GPHN: variants seen among roughly 807,000 people sequenced by gnomAD.
GPHN encodes gephyrin.
Under a neutral mutation model 95.5 loss-of-function variants are expected in GPHN, and 17 were observed. That is an observed-to-expected ratio of 0.18 (90% CI 0.12 to 0.27). The LOEUF (loss-of-function observed/expected upper bound fraction) is 0.27. GPHN is among the 10% of genes least tolerant of loss of function. GPHN has a pLI of 1.00. For synonymous variants in GPHN, 320 were observed against 322.5 expected (o/e 0.99, Z 0.08); for missense variants, 660 against 978.1 (o/e 0.67, Z 4.34).
chr14:67,251,161 A>G, the GPHN span, among the ~76,000 whole-genome samples: 1 of 152,232 alleles, frequency 6.6e-6, no homozygotes, highest in African/African-American at 2.4e-5. Context: ...GCCTGCCTTA[A>G]GACTTATTTT....
At position 66,989,655 on chromosome 14, in the gene GPHN, GAA is replaced by G. The variant is rs34801654; in HGVS notation, c.963+24347_963+24348del. Among the ~76,000 whole-genome samples the G allele has an allele frequency of 4.6e-3, 517 of 111,432 alleles. 2 individuals carry two copies. Among genetic ancestry groups the G allele is most frequent in the South Asian group, 0.017 (58 of 3,484 alleles). 73.1% of individuals were successfully genotyped at this position (111,432 alleles called of 152,430 possible). On this transcript the variant is annotated intron_variant, in intron 9 of 22. Coordinates refer to ENST00000478722, the MANE Select transcript of GPHN (RefSeq NM_020806.5). The stretch of plus-strand genomic sequence containing the variant: ...AGGATCCTGTTAACTGTCCAATATA[GAA>G]AAAAAAAAAAAAAAAACCTATCCAA...
chr14:67,026,728 C>T (rs990908031), intron 10 of GPHN, among the ~76,000 whole-genome samples: 83 of 152,138 alleles, frequency 5.5e-4, no homozygotes, highest in African/African-American at 1.9e-3. Flanking sequence ...CTGCAGGCTC[C>T]GCCTCCCGGG....
intron 1 of GPHN, among the ~76,000 whole-genome samples, chr14:66,622,215 C>A (rs780678828): frequency 6.6e-6 from 1 of 152,092 alleles, no homozygotes; most frequent in Non-Finnish European, 1.5e-5. Flanking sequence ...GGGCTTGAAC[C>A]CTCTGAACGC....
the GPHN span, chr14:67,619,931 C>T: frequency 5.2e-6 from 7 of 1,353,620 alleles, no homozygotes; most frequent in South Asian, 9.9e-5. Context: ...CTCCCGGCTT[C>T]CAACCGCGCG....
At chr14:66,852,379 ATGTG>A (rs113038595) in intron 4 of GPHN, among the ~76,000 whole-genome samples, 1,913 of 152,258 alleles carry the variant, frequency 0.013, 19 homozygotes, top group Non-Finnish European at 0.018. Context: ...AGGGAAAAAA[ATGTG>A]TGTGTGTGCG....
chr14:67,082,735 T>C (rs2076741070), intron 11 of GPHN, among the ~76,000 whole-genome samples: 2 of 152,132 alleles, frequency 1.3e-5, no homozygotes, highest in Admixed American at 6.5e-5. Flanking sequence ...ACATTAACAA[T>C]ATGAACACAG....
At chr14:67,577,045 C>T in the GPHN span, among the ~76,000 whole-genome samples, 2 of 152,176 alleles carry the variant, frequency 1.3e-5, no homozygotes, top group Admixed American at 1.3e-4. Context: ...CACACATCCA[C>T]CTGCACTCAG....
the GPHN span, among the ~76,000 whole-genome samples, chr14:67,497,814 C>T: frequency 8.6e-5 from 13 of 151,926 alleles, no homozygotes; most frequent in Non-Finnish European, 1.9e-4. Context: ...CCACACAGTA[C>T]ACCTGTATCT....
chr14:66,543,213 A>G (rs1195706746), intron 1 of GPHN, among the ~76,000 whole-genome samples: 3 of 152,158 alleles, frequency 2.0e-5, no homozygotes, highest in Non-Finnish European at 4.4e-5. Flanking sequence ...ACATTTCAAC[A>G]TGAGATTTGG....
the GPHN span, among the ~76,000 whole-genome samples, chr14:67,443,444 G>A: frequency 0.014 from 2,102 of 152,136 alleles, 54 homozygotes; most frequent in African/African-American, 0.048. Flanking sequence ...AGGAAAGAAG[G>A]CATTTCAAGC....
the GPHN span, among the ~76,000 whole-genome samples, chr14:67,694,322 T>C: frequency 6.6e-6 from 1 of 152,008 alleles, no homozygotes; most frequent in Admixed American, 6.6e-5. Context: ...GTAGGACCTG[T>C]ACTTAGTTCT....
In GPHN at chr14:66,646,106, A is replaced by G. The variant is rs115106913; in HGVS notation, c.65-35001A>G. ...AAAAGATTAAAAAGAATTCAACAGC[A>G]ACAAAAAAAAACTAGATTAAAATTG... On this transcript the variant is annotated intron_variant, in intron 1 of 22. Coordinates refer to ENST00000478722, the MANE Select transcript of GPHN (RefSeq NM_020806.5). 7.9e-3 allele frequency among the ~76,000 whole-genome samples: 1,203 copies of G among 152,304 alleles called. 9 individuals carry two copies. Among genetic ancestry groups the G allele is most frequent in the African/African-American group, 0.028 (1,148 of 41,582 alleles).
chr14:66,868,941 C>T (rs1016630269), intron 4 of GPHN, among the ~76,000 whole-genome samples: 2 of 151,938 alleles, frequency 1.3e-5, no homozygotes, highest in African/African-American at 4.8e-5. Context: ...CAGAAGTTTG[C>T]AACTTTCATA....
chr14:66,916,074 A>G lies in GPHN; in HGVS notation c.456+5A>G. 6.4e-7 allele frequency: 1 copy of G among 1,559,266 alleles called. No individual in the cohort carries two copies. The highest frequency in any genetic ancestry group is 8.8e-7 in the Non-Finnish European group (1 of 1,129,960). On this transcript the variant is annotated splice_donor_5th_base_variant and intron_variant, in intron 6 of 22. Transcript: ENST00000478722. ...GGTAGCAAGAAAGGATCTCAGGTAA[A>G]TCACCTGGACATATTAATGGTTTAG...
chr14:67,116,533 A>G (rs2153689100), intron 16 of GPHN, among the ~76,000 whole-genome samples: 1 of 152,298 alleles, frequency 6.6e-6, no homozygotes, highest in Non-Finnish European at 1.5e-5. Context: ...TTTAAAAAAT[A>G]GAAAAAGAAA....
intron 2 of GPHN, among the ~76,000 whole-genome samples, chr14:66,708,032 A>G (rs182281662): frequency 2.0e-5 from 3 of 152,268 alleles, no homozygotes; most frequent in Admixed American, 2.0e-4. Context: ...TTTGGTGCTC[A>G]ATTGATTGAA....
intron 1 of GPHN, among the ~76,000 whole-genome samples, chr14:66,558,096 A>C (rs897543307): frequency 5.3e-5 from 8 of 152,138 alleles, no homozygotes; most frequent in Non-Finnish European, 4.4e-5. Flanking sequence ...TCTCTTTAAA[A>C]ACCTGAGAAA....
At chr14:67,488,888 T>C in the GPHN span, among the ~76,000 whole-genome samples, 80 of 152,322 alleles carry the variant, frequency 5.3e-4, no homozygotes, top group African/African-American at 1.8e-3. Flanking sequence ...ACCTCCCACT[T>C]CCTGGTCTGC....
chr14:67,727,642 C>G, the GPHN span: 1 of 213,768 alleles, frequency 4.7e-6, no homozygotes, highest in South Asian at 6.7e-5. Flanking sequence ...AATATCACGC[C>G]TGGCTAATTT....
Sources: allele counts gnomAD v4.1 joint callset (sites outside exome capture counted in the v4.1 genomes callset), GRCh38; gene constraint gnomAD v4.1.1; transcripts MANE v1.5; gene names NCBI Gene and HGNC (gene_info 2026-07-23, HGNC 2026-07-21).